Variants in CCR2 observed in about 807,000 individuals in gnomAD.
CCR2 encodes the protein C-C motif chemokine receptor 2, also known as C-C chemokine receptor type 2.
For synonymous variants in CCR2, 183 were observed against 177.1 expected (o/e 1.03, Z -0.27); for missense variants, 408 against 440.0 (o/e 0.93, Z 0.65).
Position 46,358,247 on chromosome 3 carries a change from G to A in CCR2, c.720G>A (p.Arg240=), listed in dbSNP as rs772339032. 3 of 1,614,158 alleles carry A rather than the reference G, an allele frequency of 1.9e-6. No homozygotes were observed. Among genetic ancestry groups the A allele is most frequent in the Non-Finnish European group, 2.5e-6 (3 of 1,180,018 alleles). Residue 240 remains arginine (R), a synonymous_variant, in exon 2 of 2, where the codon AGG becomes AGA. Transcript: ENST00000445132. ...GTCGAAACGAGAAGAAGAGGCATAG[G>A]GCAGTGAGAGTCATCTTCACCATCA... ...LRCRNEKKRH[R]AVRVIFTIMI...
Position 46,357,716 on chromosome 3 carries a change from C to T in CCR2, c.189C>T (p.Val63=), listed in dbSNP as rs113016448. Residue 63 remains valine (V), a synonymous_variant, in exon 2 of 2, where the codon GTC becomes GTT. Coordinates refer to ENST00000445132, the MANE Select transcript of CCR2 (RefSeq NM_001123396.4). ...TTGGTTTTGTGGGCAACATGCTGGT[C>T]GTCCTCATCTTAATAAACTGCAAAA... The part of the protein sequence containing the change: ...FIFGFVGNML[V]VLILINCKKL... The T allele has an allele frequency of 4.5e-5, 73 of 1,614,136 alleles. No homozygotes were observed. The highest frequency in any genetic ancestry group is 1.2e-4 in the African/African-American group (9 of 75,038).
chr3:46,355,248 G>T (rs1701431123), intron 1 of CCR2, among the ~76,000 whole-genome samples: 1 of 152,194 alleles, frequency 6.6e-6, no homozygotes. Flanking sequence ...TACAGATTAG[G>T]CTTCACAGAG....
Position 46,357,526 on chromosome 3 carries a change from A to G in CCR2, c.-2A>G, listed in dbSNP as rs770072742. 5 of 1,612,548 alleles carry G rather than the reference A, an allele frequency of 3.1e-6. No homozygotes were observed. Among genetic ancestry groups the G allele is most frequent in the Non-Finnish European group, 3.4e-6 (4 of 1,178,646 alleles). On this transcript the variant is annotated 5_prime_UTR_variant, in exon 2 of 2. Coordinates refer to ENST00000445132, the MANE Select transcript of CCR2 (RefSeq NM_001123396.4). Reference sequence around the variant, plus strand: ...GACGCATTTCCCCAGTACATCCACAACATGCTGTCCACATCTCGTTCTCGG... The same window carrying G: ...GACGCATTTCCCCAGTACATCCACAGCATGCTGTCCACATCTCGTTCTCGG...
At chr3:46,355,513 TATAAGTC>T (rs1701436420) in intron 1 of CCR2, among the ~76,000 whole-genome samples, 1 of 152,186 alleles carries the variant, frequency 6.6e-6, no homozygotes, top group Non-Finnish European at 1.5e-5. Context: ...GCCCACCACA[TATAAGTC>T]ATAGGGCTAC....
chr3:46,358,584 G>A lies in CCR2; in HGVS notation c.1057G>A (p.Glu353Lys), dbSNP rs1158737785. 6.3e-7 allele frequency: 1 copy of A among 1,594,200 alleles called. No homozygotes were observed. Among genetic ancestry groups the A allele is most frequent in the African/African-American group, 1.3e-5 (1 of 74,648 alleles). Residue 353 changes from glutamate (E) to lysine (K), a missense_variant, in exon 2 of 2, where the codon GAG becomes AAG. Physicochemically the swap from Glu to Lys is moderately conservative, Grantham distance 56 (BLOSUM62 1). Transcript: ENST00000445132. ...TTCAACAAACACGCCTTCCACTGGG[G>A]AGCAGGAAGTCTCGGCTGGTTTATA... The part of the protein sequence containing the change: ...VTSTNTPSTG[E>K]QEVSAGL
chr3:46,354,359 T>G (rs1305323369), intron 1 of CCR2, among the ~76,000 whole-genome samples, 182 bp downstream of exon 1: 1 of 152,054 alleles, frequency 6.6e-6, no homozygotes, highest in Non-Finnish European at 1.5e-5. Context: ...AGAGAAACCC[T>G]GAGGAAGAGC....
In CCR2 at chr3:46,360,618, G is replaced by A. The variant is rs1228434141; in HGVS notation, c.*2008G>A. 6.6e-6 allele frequency: 1 copy of A among 152,132 alleles called. No homozygotes were observed. The highest frequency in any genetic ancestry group is 1.5e-5 in the Non-Finnish European group (1 of 68,034). 9.4% of individuals were successfully genotyped at this position (152,132 alleles called of 1,614,324 possible). ...GTAAGCAAAGACTTTCCTCTTAGTCGAGCCAAGTTAAGAATGTTCTTATGT... is the reference window on the plus strand; with the variant it reads ...GTAAGCAAAGACTTTCCTCTTAGTCAAGCCAAGTTAAGAATGTTCTTATGT... On this transcript the variant is annotated 3_prime_UTR_variant, in exon 2 of 2. Coordinates refer to ENST00000445132, the MANE Select transcript of CCR2 (RefSeq NM_001123396.4).
rs1376305906 is a variant in CCR2 at position 46,357,773 on chromosome 3, C to T, written c.246C>T (p.Leu82=). Residue 82 remains leucine (L), a synonymous_variant, in exon 2 of 2, where the codon CTC becomes CTT. Coordinates refer to ENST00000445132, the MANE Select transcript of CCR2 (RefSeq NM_001123396.4). ...KLKCLTDIYL[L]NLAISDLLFL... is the part of the protein sequence containing the mutation. ...AGTGCTTGACTGACATTTACCTGCT[C>T]AACCTGGCCATCTCTGATCTGCTTT... The T allele has an allele frequency of 5.0e-6, 8 of 1,614,170 alleles. No homozygotes were observed. Among genetic ancestry groups the T allele is most frequent in the East Asian group, 4.5e-5 (2 of 44,882 alleles).
In CCR2 at chr3:46,359,934, C is replaced by T; in HGVS notation, c.*1324C>T. 3.5e-6 allele frequency: 5 copies of T among 1,437,890 alleles called. No homozygotes were observed. The highest frequency in any genetic ancestry group is 4.8e-6 in the Non-Finnish European group (5 of 1,043,436). The allele number at this position is 1,437,890 out of a possible 1,614,324, so 89.1% of individuals were successfully genotyped here. On this transcript the variant is annotated 3_prime_UTR_variant, in exon 2 of 2. Transcript: ENST00000445132. ...CAGATGTGTGATTCACAGTGTGAAT[C>T]TTGGTGTCTACGTTACCAGGCAGGA...
Position 46,358,246 on chromosome 3 carries a change from G to A in CCR2, c.719G>A (p.Arg240Lys), listed in dbSNP as rs1201218616. ...LRCRNEKKRH[R>K]AVRVIFTIMI... ...TGTCGAAACGAGAAGAAGAGGCATA[G>A]GGCAGTGAGAGTCATCTTCACCATC... Residue 240 changes from arginine (R) to lysine (K), a missense_variant, in exon 2 of 2, where the codon AGG (arginine) becomes AAG (lysine). By Grantham distance (26) the Arg-to-Lys change is conservative. Transcript: ENST00000445132. The A allele has an allele frequency of 1.2e-6, 2 of 1,614,198 alleles. No individual in the cohort carries two copies. The highest frequency in any genetic ancestry group is 1.7e-6 in the Non-Finnish European group (2 of 1,180,026).
Position 46,359,937 on chromosome 3 carries a change from G to A in CCR2, c.*1327G>A, listed in dbSNP as rs1373003881. ...ATGTGTGATTCACAGTGTGAATCTTGGTGTCTACGTTACCAGGCAGGAAGG... is the reference window on the plus strand; with the variant it reads ...ATGTGTGATTCACAGTGTGAATCTTAGTGTCTACGTTACCAGGCAGGAAGG... On this transcript the variant is annotated 3_prime_UTR_variant, in exon 2 of 2. Transcript: ENST00000445132. The A allele has an allele frequency of 2.1e-6, 3 of 1,407,178 alleles. No individual in the cohort carries two copies. The African/African-American group carries it at 4.3e-5, about 20-fold the overall frequency. 87.2% of individuals were successfully genotyped at this position (1,407,178 alleles called of 1,614,324 possible).
chr3:46,356,873 A>G (rs3918365), intron 1 of CCR2, among the ~76,000 whole-genome samples: 8,581 of 151,222 alleles, frequency 0.057, 389 homozygotes, highest in South Asian at 0.2. Flanking sequence ...AGCTGAGATC[A>G]TGGCCACTGC....
At position 46,359,938 on chromosome 3, in the gene CCR2, G is replaced by T; in HGVS notation, c.*1328G>T. 5.7e-6 allele frequency: 8 copies of T among 1,406,824 alleles called. No homozygotes were observed. The highest frequency in any genetic ancestry group is 1.2e-5 in the South Asian group (1 of 81,326). The allele number at this position is 1,406,824 out of a possible 1,614,324, so 87.1% of individuals were successfully genotyped here. On this transcript the variant is annotated 3_prime_UTR_variant, in exon 2 of 2. Transcript: ENST00000445132. ...TGTGTGATTCACAGTGTGAATCTTGGTGTCTACGTTACCAGGCAGGAAGGC... is the reference window on the plus strand; with the variant it reads ...TGTGTGATTCACAGTGTGAATCTTGTTGTCTACGTTACCAGGCAGGAAGGC...
intron 1 of CCR2, among the ~76,000 whole-genome samples, chr3:46,355,751 G>A (rs1701440597): frequency 6.6e-6 from 1 of 152,156 alleles, no homozygotes; most frequent in Non-Finnish European, 1.5e-5. Flanking sequence ...TAATAATACA[G>A]GGCATTTCTC....
intron 1 of CCR2, among the ~76,000 whole-genome samples, chr3:46,354,600 T>G (rs1701418605): frequency 6.6e-6 from 1 of 152,220 alleles, no homozygotes; most frequent in Non-Finnish European, 1.5e-5. Context: ...GAATTTATTT[T>G]CTGAAAGATA....
Position 46,358,429 on chromosome 3 carries a change from A to G in CCR2, c.902A>G (p.Asn301Ser), listed in dbSNP as rs749255253. Residue 301 changes from asparagine (N) to serine (S), a missense_variant, in exon 2 of 2, where the codon AAT becomes AGT. Coordinates refer to ENST00000445132, the MANE Select transcript of CCR2 (RefSeq NM_001123396.4). ...CTTGGGATGACTCACTGCTGCATCA[A>G]TCCCATCATCTATGCCTTCGTTGGG... ...ETLGMTHCCI[N>S]PIIYAFVGEK... 1.2e-6 allele frequency: 2 copies of G among 1,613,990 alleles called. No homozygotes were observed. The highest frequency in any genetic ancestry group is 8.5e-7 in the Non-Finnish European group (1 of 1,179,996).
Position 46,358,277 on chromosome 3 carries a change from T to C in CCR2, c.750T>C (p.Ile250=). 6.2e-7 allele frequency: 1 copy of C among 1,614,162 alleles called. No homozygotes were observed. Among genetic ancestry groups the C allele is most frequent in the Non-Finnish European group, 8.5e-7 (1 of 1,180,014 alleles). The change falls in exon 2 of 2, where the codon ATT becomes ATC. Residue 250 remains isoleucine (I), a synonymous_variant. Transcript: ENST00000445132. ...RAVRVIFTIM[I]VYFLFWTPYN... ...TGAGAGTCATCTTCACCATCATGAT[T>C]GTTTACTTTCTCTTCTGGACTCCCT...
chr3:46,358,729 G>T lies in CCR2; in HGVS notation c.*119G>T. 5.5e-6 allele frequency: 8 copies of T among 1,465,908 alleles called. 1 individual carries two copies. The South Asian group carries it at 7.4e-5, about 13-fold the overall frequency. The allele number at this position is 1,465,908 out of a possible 1,614,324, so 90.8% of individuals were successfully genotyped here. Reference sequence around the variant, plus strand: ...AAAGCAGGTGCCCAGGAACCTCAGGGCTGTGTGTACTAATACAGACTATGT... The same window carrying T: ...AAAGCAGGTGCCCAGGAACCTCAGGTCTGTGTGTACTAATACAGACTATGT... On this transcript the variant is annotated 3_prime_UTR_variant, in exon 2 of 2. Coordinates refer to ENST00000445132, the MANE Select transcript of CCR2 (RefSeq NM_001123396.4).
At position 46,360,040 on chromosome 3, in the gene CCR2, A is replaced by G. The variant is rs577442510; in HGVS notation, c.*1430A>G. 1.4e-5 allele frequency: 8 copies of G among 574,476 alleles called. No individual in the cohort carries two copies. The highest frequency in any genetic ancestry group is 4.5e-4 in the Middle Eastern group (1 of 2,202). The allele number at this position is 574,476 out of a possible 1,614,324, so 35.6% of individuals were successfully genotyped here. On this transcript the variant is annotated 3_prime_UTR_variant, in exon 2 of 2. Transcript: ENST00000445132. ...CTTCCAGTTCCTCATTTTTGAATAC[A>G]GGCATAGAGTTCAGACTTTTTTTAA... is the stretch of plus-strand genomic sequence containing the variant.
Sources: allele counts gnomAD v4.1 joint callset (sites outside exome capture counted in the v4.1 genomes callset), GRCh38; gene constraint gnomAD v4.1.1; transcripts MANE v1.5; gene names NCBI Gene and HGNC (gene_info 2026-07-23, HGNC 2026-07-21).